Variants in HSPA12A observed in about 807,000 individuals in gnomAD.
The protein encoded by HSPA12A is heat shock protein family A (Hsp70) member 12A.
A neutral mutation model predicts 69.2 loss-of-function variants in HSPA12A; 28 were observed. The ratio of observed to expected loss-of-function variants is 0.40; its 90% CI spans 0.30 to 0.55. The LOEUF (loss-of-function observed/expected upper bound fraction) is 0.55. HSPA12A is among the 20% of genes least tolerant of loss of function. HSPA12A has a pLI of 0.38. For missense variants in HSPA12A, 686 were observed against 900.7 expected (o/e 0.76, Z 3.05); for synonymous variants, 345 against 370.5 (o/e 0.93, Z 0.79).
chr10:116,830,011 TG>T (rs1212999909), intron 2 of HSPA12A: 1 of 152,226 alleles, frequency 6.6e-6, no homozygotes, highest in East Asian at 1.9e-4. Context: ...ACGAAACTCG[TG>T]TTCACCACCA....
At chr10:116,790,190 G>A (rs892768863) in intron 2 of HSPA12A, among the ~76,000 whole-genome samples, 9 of 135,076 alleles carry the variant, frequency 6.7e-5, no homozygotes, top group African/African-American at 2.4e-4. Context: ...CAGGCTCCGC[G>A]CCCTGGGGGT....
rs1379417283 is a variant in HSPA12A, at chr10:116,691,939, G to A, written c.663+412C>T. On this transcript the variant is annotated intron_variant, in intron 6 of 11. Transcript: ENST00000369209. ...ACCAAGCTGAAAATGCCTGGTTCGT[G>A]GCCAATGGCCTTGGCTTGCTTGCTT... 2.0e-5 allele frequency among the ~76,000 whole-genome samples: 3 copies of A among 152,340 alleles called. No individual in the cohort carries two copies. In the East Asian group the frequency reaches 5.8e-4, roughly 29 times the overall value.
intron 1 of HSPA12A, among the ~76,000 whole-genome samples, chr10:116,735,027 G>T (rs1615891): frequency 6.6e-6 from 1 of 152,354 alleles, no homozygotes; most frequent in African/African-American, 2.4e-5. Context: ...ATCCTGATCT[G>T]TCAAAGTGCA....
intron 1 of HSPA12A, among the ~76,000 whole-genome samples, chr10:116,729,918 G>T (rs1179691828): frequency 6.6e-6 from 1 of 152,208 alleles, no homozygotes; most frequent in African/African-American, 2.4e-5. Context: ...TGCCCAGTGG[G>T]TGTTTTGAAT....
intron 10 of HSPA12A, among the ~76,000 whole-genome samples, chr10:116,676,828 C>T (rs782332317): frequency 6.6e-5 from 10 of 152,174 alleles, no homozygotes; most frequent in Non-Finnish European, 1.2e-4. Context: ...TTGAACCCAA[C>T]AATATTTGGA....
intron 2 of HSPA12A, chr10:116,831,889 A>G (rs1845622597): frequency 6.6e-6 from 1 of 152,222 alleles, no homozygotes; most frequent in South Asian, 2.1e-4. Flanking sequence ...AAAGGGCTGC[A>G]TGACAACTGT....
intron 1 of HSPA12A, among the ~76,000 whole-genome samples, chr10:116,843,736 C>A (rs115610249): frequency 0.012 from 1,755 of 152,302 alleles, 38 homozygotes; most frequent in African/African-American, 0.039. Flanking sequence ...ACCTTGGCTG[C>A]ATATTAATCA....
At chr10:116,680,033 C>G (rs782709438) in intron 9 of HSPA12A, among the ~76,000 whole-genome samples, 14 of 152,148 alleles carry the variant, frequency 9.2e-5, no homozygotes, top group Admixed American at 5.9e-4. Context: ...CCTTGTTGCC[C>G]AGGCTGGAGT....
chr10:116,695,582 C>A (rs1430714353), intron 5 of HSPA12A, among the ~76,000 whole-genome samples: 1 of 151,964 alleles, frequency 6.6e-6, no homozygotes, highest in African/African-American at 2.4e-5. Flanking sequence ...TTTGGGAGGC[C>A]GAGGCGGGCG....
intron 5 of HSPA12A, among the ~76,000 whole-genome samples, chr10:116,697,738 T>C (rs1353042513): frequency 1.3e-5 from 2 of 152,150 alleles, no homozygotes; most frequent in Non-Finnish European, 1.5e-5. Flanking sequence ...TGTAGTTCAG[T>C]GGGTTTTCGT....
intron 2 of HSPA12A, among the ~76,000 whole-genome samples, chr10:116,705,893 C>CTTT (rs369606540): frequency 0.026 from 2,998 of 115,566 alleles, 172 homozygotes; most frequent in African/African-American, 0.09. Flanking sequence ...TCTCTCTCTC[C>CTTT]TTTTTTTTTT....
rs148366913 is a variant in HSPA12A, at chr10:116,839,685, C to T, written c.4-4663G>A. Reference sequence around the variant, plus strand: ...AAATAGATGAGACAGGATGGCATGACGTGTATAATCTTAAAGTCTCAATTT... The same window carrying T: ...AAATAGATGAGACAGGATGGCATGATGTGTATAATCTTAAAGTCTCAATTT... On this transcript the variant is annotated intron_variant, in intron 1 of 12. Coordinates refer to the HSPA12A transcript ENST00000635765. 5.4e-4 allele frequency among the ~76,000 whole-genome samples: 80 copies of T among 147,822 alleles called. 1 individual carries two copies. Among genetic ancestry groups the T allele is most frequent in the Non-Finnish European group, 9.3e-4 (63 of 67,506 alleles).
At chr10:116,804,520 C>T (rs919586001) in intron 2 of HSPA12A, among the ~76,000 whole-genome samples, 1 of 152,110 alleles carries the variant, frequency 6.6e-6, no homozygotes, top group Admixed American at 6.5e-5. Flanking sequence ...TCTCTACCTC[C>T]CCTTCCTCTC....
Position 116,698,698 on chromosome 10 carries a change from C to T in HSPA12A, c.483G>A (p.Lys161=), listed in dbSNP as rs782059224. The change falls in exon 5 of 12, where the codon AAG becomes AAA. Residue 161 remains lysine (K), a synonymous_variant. Transcript: ENST00000369209. ...MDTDLTAANG[K]KVKALEIFAY... ...CAAAGATTTCAAGGGCTTTGACTTT[C>T]TTGCCATTTGCTGCCGTCAGGTCTG... 8 of 1,614,056 alleles carry T rather than the reference C, an allele frequency of 5.0e-6. No homozygotes were observed. The highest frequency in any genetic ancestry group is 3.3e-4 in the Middle Eastern group (2 of 6,078).
intron 2 of HSPA12A, among the ~76,000 whole-genome samples, chr10:116,814,490 TC>T (rs1845259713): frequency 1.3e-5 from 2 of 152,310 alleles, no homozygotes; most frequent in Admixed American, 6.5e-5. Context: ...ATGAACTTTT[TC>T]CCCCATGGGA....
chr10:116,674,732 C>T lies in HSPA12A; in HGVS notation c.*49G>A, dbSNP rs782175949. On this transcript the variant is annotated 3_prime_UTR_variant, in exon 12 of 12. Coordinates refer to ENST00000369209, the MANE Select transcript of HSPA12A (RefSeq NM_025015.3). ...AAAGAACAGTCAAGGTTGAGGTCAGCAGATGCAGATAAGTTGAGTCCAAGG... is the reference window on the plus strand; with the variant it reads ...AAAGAACAGTCAAGGTTGAGGTCAGTAGATGCAGATAAGTTGAGTCCAAGG... 2 of 1,552,026 alleles carry T rather than the reference C, an allele frequency of 1.3e-6. No individual in the cohort carries two copies. Among genetic ancestry groups the T allele is most frequent in the Admixed American group, 1.7e-5 (1 of 58,536 alleles).
At chr10:116,806,266 T>C (rs533375838) in intron 2 of HSPA12A, among the ~76,000 whole-genome samples, 1 of 152,318 alleles carries the variant, frequency 6.6e-6, no homozygotes, top group East Asian at 1.9e-4. Flanking sequence ...AATGGCACGA[T>C]CTCAGCTCAC....
intron 1 of HSPA12A, among the ~76,000 whole-genome samples, chr10:116,720,620 C>T (rs1850748118): frequency 6.6e-6 from 1 of 152,224 alleles, no homozygotes; most frequent in African/African-American, 2.4e-5. Flanking sequence ...CAAGCTATGC[C>T]AGAATAAATG....
In HSPA12A at chr10:116,716,904, C is replaced by T. The variant is rs553171368; in HGVS notation, c.41-9619G>A. ...CCCTCCACCCACCATTTTCCAAATT[C>T]CTTCATGGGGTCAGATATTCATGCG... On this transcript the variant is annotated intron_variant, in intron 1 of 11. Coordinates refer to ENST00000369209, the MANE Select transcript of HSPA12A (RefSeq NM_025015.3). 2.0e-5 allele frequency among the ~76,000 whole-genome samples: 3 copies of T among 152,282 alleles called. No individual in the cohort carries two copies. The South Asian group carries it at 6.2e-4, about 32-fold the overall frequency.
Sources: gnomAD v4.1 joint callset for allele counts (sites outside exome capture counted in the v4.1 genomes callset) on GRCh38, gnomAD v4.1.1 for gene constraint, MANE v1.5 for transcripts, NCBI Gene and HGNC (gene_info 2026-07-23, HGNC 2026-07-21) for gene names.